Variants in SPATA24 observed in about 807,000 individuals in gnomAD.
The protein encoded by SPATA24 is spermatogenesis associated 24, also known as spermatogenesis-associated protein 24.
A neutral mutation model predicts 28.9 loss-of-function variants in SPATA24; 21 were observed. The observed-to-expected ratio is 0.73, with a 90% confidence interval of 0.52 to 1.05. The LOEUF is 1.05. Among genes scored for constraint, SPATA24 ranks in the 50% least tolerant of loss-of-function variants. SPATA24 has a pLI of 0.00. For synonymous variants in SPATA24, 76 were observed against 89.9 expected (o/e 0.85, Z 0.88); for missense variants, 215 against 242.9 (o/e 0.88, Z 0.76).
At chr5:139,396,695 A>G (rs1407307666), downstream of SPATA24, 3 of 1,546,026 alleles carry the variant, frequency 1.9e-6, no homozygotes, top group South Asian at 1.2e-5. Context: ...CCCTACCACT[A>G]TCCAAGAGGG....
At chr5:139,394,135 G>A (rs913060474), downstream of SPATA24, 5 of 1,547,012 alleles carry the variant, frequency 3.2e-6, no homozygotes, top group African/African-American at 6.9e-5. Context: ...GCGGAGGCTG[G>A]GCCACGGCCT....
At chr5:139,393,691 C>G (rs1452951362), downstream of SPATA24, 1 of 1,551,160 alleles carries the variant, frequency 6.4e-7, no homozygotes, top group South Asian at 1.2e-5. Flanking sequence ...CCCAGCAACA[C>G]ACTGATTCCA....
downstream of SPATA24, chr5:139,393,515 C>A (rs1310930379): frequency 6.4e-7 from 1 of 1,551,496 alleles, no homozygotes. Context: ...CCCATGGGAT[C>A]CCATGTCTCT....
At chr5:139,394,427 G>A, downstream of SPATA24, 1 of 1,396,032 alleles carries the variant, frequency 7.2e-7, no homozygotes, top group Non-Finnish European at 9.2e-7. Context: ...GCCCTTGGGG[G>A]ACTCTGGGGC....
In SPATA24 at chr5:139,403,925, A is replaced by G. The variant is rs758190967; in HGVS notation, c.117+19T>C. On this transcript the variant is annotated intron_variant, in intron 1 of 5. Coordinates refer to ENST00000450845, the MANE Select transcript of SPATA24 (RefSeq NM_194296.2). The stretch of plus-strand genomic sequence containing the variant: ...AGGCATCCGGCCCCGCCTCTCCCCA[A>G]ACTCCTCTGGCTGCATACCACGTTC... The G allele has an allele frequency of 6.4e-5, 99 of 1,547,532 alleles. 1 individual carries two copies. The highest frequency in any genetic ancestry group is 4.3e-4 in the South Asian group (36 of 83,990).
intron 4 of SPATA24, among the ~76,000 whole-genome samples, chr5:139,398,025 A>G (rs146317412): frequency 2.1e-3 from 313 of 152,372 alleles, no homozygotes; most frequent in Non-Finnish European, 3.5e-3. Flanking sequence ...TACAAAAAGT[A>G]TATTTGCAGA....
downstream of SPATA24, chr5:139,393,608 G>A (rs1424437463): frequency 7.9e-5 from 123 of 1,547,976 alleles, no homozygotes; most frequent in Non-Finnish European, 1.0e-4. Flanking sequence ...CTGCTACGTG[G>A]CTCCACCGCA....
rs1158640429 is a variant in SPATA24 at position 139,401,993 on chromosome 5, T to C, written c.236A>G (p.Glu79Gly). Residue 79 changes from glutamate (E) to glycine (G), a missense_variant, in exon 3 of 6, where the codon GAG becomes GGG. Physicochemically the swap from Glu to Gly is moderately conservative, Grantham distance 98. Coordinates refer to ENST00000450845, the MANE Select transcript of SPATA24 (RefSeq NM_194296.2). ...CTCTCCGAGGGCAAACTGTAACTTCTCCTCTTCCTTGGCCAGGAGGACCTT... is the reference window on the plus strand; with the variant it reads ...CTCTCCGAGGGCAAACTGTAACTTCCCCTCTTCCTTGGCCAGGAGGACCTT... ...KTKVLLAKEEEKLQFALGEVE... is the reference protein window; with the variant it reads ...KTKVLLAKEEGKLQFALGEVE... The C allele has an allele frequency of 6.4e-7, 1 of 1,551,674 alleles. No individual in the cohort carries two copies. Among genetic ancestry groups the C allele is most frequent in the East Asian group, 2.4e-5 (1 of 40,912 alleles).
rs886829626 is a variant in SPATA24 at position 139,404,025 on chromosome 5, T to G, written c.36A>C (p.Ser12=). The stretch of plus-strand genomic sequence containing the variant: ...GATCTAAAGCGAGACACACAGATCC[T>G]GACCCCGCCTTCGACCACCCGAGGG... The part of the protein sequence containing the change: ...ATPLGWSKAG[S]GSVCLALDQL... Residue 12 remains serine (S), a synonymous_variant, in exon 1 of 6, where the codon TCA becomes TCC. Coordinates refer to ENST00000450845, the MANE Select transcript of SPATA24 (RefSeq NM_194296.2). 5.2e-6 allele frequency: 8 copies of G among 1,551,908 alleles called. No homozygotes were observed. Among genetic ancestry groups the G allele is most frequent in the African/African-American group, 1.4e-5 (1 of 73,180 alleles).
downstream of SPATA24, chr5:139,394,342 G>T (rs1033410118): frequency 2.1e-6 from 3 of 1,438,678 alleles, no homozygotes; most frequent in African/African-American, 4.4e-5. Flanking sequence ...GAAGCCCGCG[G>T]CGGCCTGCAG....
downstream of SPATA24, chr5:139,396,318 C>G (rs1758704662): frequency 1.0e-6 from 1 of 985,474 alleles, no homozygotes; most frequent in Non-Finnish European, 1.2e-6. Context: ...TGTTTCTCCA[C>G]CTTAAAACCA....
At chr5:139,401,268 G>A (rs1758815070) in intron 4 of SPATA24, among the ~76,000 whole-genome samples, 1 of 152,218 alleles carries the variant, frequency 6.6e-6, no homozygotes, top group Non-Finnish European at 1.5e-5. Context: ...AGACCAGCCT[G>A]GGCAGCATAG....
downstream of SPATA24, chr5:139,393,018 T>G (rs1385327897): frequency 6.6e-7 from 1 of 1,522,294 alleles, no homozygotes; most frequent in African/African-American, 1.4e-5. Context: ...GCACCACCGG[T>G]AGAAAATCCT....
chr5:139,397,711 C>T (rs996120962), intron 4 of SPATA24, among the ~76,000 whole-genome samples: 26 of 152,194 alleles, frequency 1.7e-4, no homozygotes, highest in Admixed American at 4.6e-4. Flanking sequence ...CCTGCCACCA[C>T]GCCCAGCTAA....
chr5:139,392,542 G>C (rs1199312028), downstream of SPATA24: 1 of 1,351,052 alleles, frequency 7.4e-7, no homozygotes, highest in East Asian at 3.1e-5. The surrounding 1 kb of genome is among the most constrained non-coding windows in gnomAD (Gnocchi z 5.8). Flanking sequence ...CTGGGCTGGG[G>C]CCGTCCTGCC....
downstream of SPATA24, chr5:139,393,107 C>A: frequency 6.6e-7 from 1 of 1,524,002 alleles, no homozygotes. Context: ...TCGCCGCCCT[C>A]CTCCCCGCAG....
chr5:139,392,639 C>G (rs1461304057), downstream of SPATA24: 25 of 1,388,868 alleles, frequency 1.8e-5, no homozygotes, highest in Non-Finnish European at 2.2e-5. This position sits in a 1 kb window ranked among gnomAD's most constrained non-coding sequence, Gnocchi z 5.8. Context: ...GGTTTGGGTG[C>G]TATCCCAGGG....
downstream of SPATA24, chr5:139,392,772 G>C (rs1422131489): frequency 4.2e-6 from 6 of 1,438,134 alleles, no homozygotes; most frequent in Admixed American, 1.4e-4. The surrounding 1 kb of genome is among the most constrained non-coding windows in gnomAD (Gnocchi z 5.8). Context: ...CGTCGCCGTC[G>C]GGGACCAGGC....
chr5:139,402,172 C>A, intron 2 of SPATA24, 127 bp from the exon 3 acceptor site: 1 of 1,216,850 alleles, frequency 8.2e-7, no homozygotes, highest in Admixed American at 3.0e-5. Flanking sequence ...GGCCACCTTG[C>A]TACAGGGGCT....
Sources: allele counts gnomAD v4.1 joint callset (sites outside exome capture counted in the v4.1 genomes callset), GRCh38; gene constraint gnomAD v4.1.1; non-coding constraint Gnocchi (gnomAD v3.1); transcripts MANE v1.5; gene names NCBI Gene and HGNC (gene_info 2026-07-23, HGNC 2026-07-21).